The following HTR1F variants were observed in gnomAD, a reference collection of about 807,000 sequenced individuals.
The protein encoded by HTR1F is 5-hydroxytryptamine (serotonin) receptor 1F, G protein-coupled.
A neutral mutation model predicts 24.0 loss-of-function variants in HTR1F; 17 were observed. The ratio of observed to expected loss-of-function variants is 0.71; its 90% confidence interval spans 0.48 to 1.06. The LOEUF (loss-of-function observed/expected upper bound fraction) is 1.06. HTR1F is among the 50% of genes least tolerant of loss of function. The pLI, the probability that HTR1F is intolerant of heterozygous loss-of-function variation, is 0.00. For synonymous variants in HTR1F, 186 were observed against 156.8 expected, an observed-to-expected ratio of 1.19 and a Z score of -1.39; for missense variants, 391 against 427.8, an observed-to-expected ratio of 0.91 and a Z score of 0.76.
chr3:87,972,189 A>G (rs1303236054), intron 2 of HTR1F, among the ~76,000 whole-genome samples: 1 of 152,250 alleles, frequency 6.6e-6, no homozygotes, highest in African/African-American at 2.4e-5. Context: ...GACATATAAT[A>G]AATTATAAAT....
intron 2 of HTR1F, among the ~76,000 whole-genome samples, chr3:87,931,055 T>A (rs574469549): frequency 6.7e-5 from 10 of 150,240 alleles, no homozygotes; most frequent in Admixed American, 6.0e-4. Flanking sequence ...TTACTTTTTT[T>A]ATTGTTATTA....
At chr3:87,848,759 T>C (rs1272836550) in intron 2 of HTR1F, among the ~76,000 whole-genome samples, 1 of 151,550 alleles carries the variant, frequency 6.6e-6, no homozygotes, top group African/African-American at 2.4e-5. Context: ...TTCAGCAAAG[T>C]CTCAGGATAC....
intron 2 of HTR1F, among the ~76,000 whole-genome samples, chr3:87,975,054 G>T (rs2107501843): frequency 1.3e-5 from 2 of 152,030 alleles, no homozygotes; most frequent in East Asian, 3.9e-4. Flanking sequence ...TAAAACATAT[G>T]AATTTTATTA....
In HTR1F at chr3:87,869,416, G is replaced by C. The variant is rs11926445; in HGVS notation, c.-43+47292G>C. 4.1e-3 allele frequency among the ~76,000 whole-genome samples: 474 copies of C among 114,468 alleles called. 5 individuals are homozygous for C. Among genetic ancestry groups the C allele is most frequent in the Middle Eastern group, 0.013 (3 of 226 alleles). 75.1% of individuals were successfully genotyped at this position (114,468 alleles called of 152,430 possible). On this transcript the variant is annotated intron_variant, in intron 2 of 2. Transcript: ENST00000319595. ...AGATAGATAGATAGATAGATAGATA[G>C]ATAGATAGATAGATAGATACATAGA... is the stretch of plus-strand genomic sequence containing the variant.
chr3:87,899,587 C>T (rs367857157), intron 2 of HTR1F, among the ~76,000 whole-genome samples: 1 of 151,980 alleles, frequency 6.6e-6, no homozygotes, highest in African/African-American at 2.4e-5. Flanking sequence ...ATATCATGGC[C>T]GGGTGCGGTG....
Position 87,992,489 on chromosome 3 carries a change from G to A in HTR1F, c.*639G>A, listed in dbSNP as rs1218145531. 6.0e-6 allele frequency: 1 copy of A among 166,912 alleles called. No individual in the cohort carries two copies. The highest frequency in any genetic ancestry group is 1.5e-5 in the Non-Finnish European group (1 of 68,070). 10.3% of individuals were successfully genotyped at this position (166,912 alleles called of 1,614,324 possible). On this transcript the variant is annotated 3_prime_UTR_variant, in exon 3 of 3. Coordinates refer to ENST00000319595, the MANE Select transcript of HTR1F (RefSeq NM_001322209.2). ...CAAAATAATTCAATACTGAACTTGTGCATATTTAATGTATTATGTTTGATA... is the reference window on the plus strand; with the variant it reads ...CAAAATAATTCAATACTGAACTTGTACATATTTAATGTATTATGTTTGATA...
chr3:87,956,902 C>T (rs1399753431), intron 2 of HTR1F, among the ~76,000 whole-genome samples: 1 of 151,250 alleles, frequency 6.6e-6, no homozygotes, highest in Non-Finnish European at 1.5e-5. Context: ...ATAGATTCAT[C>T]ATTTCCAAAT....
chr3:87,918,152 T>G (rs1367422615), intron 2 of HTR1F, among the ~76,000 whole-genome samples: 3 of 152,014 alleles, frequency 2.0e-5, no homozygotes, highest in Admixed American at 2.0e-4. Flanking sequence ...GAAAAAAGCA[T>G]TTGACAAAAA....
chr3:87,797,088 T>C (rs1703917713), intron 1 of HTR1F, among the ~76,000 whole-genome samples: 1 of 152,198 alleles, frequency 6.6e-6, no homozygotes, highest in South Asian at 2.1e-4. Flanking sequence ...ACAAAAATCA[T>C]GTTTTAAATA....
intron 2 of HTR1F, among the ~76,000 whole-genome samples, chr3:87,834,710 T>G (rs1271141934): frequency 1.3e-5 from 2 of 152,186 alleles, no homozygotes; most frequent in African/African-American, 4.8e-5. Flanking sequence ...TCTATATCCC[T>G]GGTGCTAAGA....
chr3:87,968,752 A>G (rs1705220831), intron 2 of HTR1F, among the ~76,000 whole-genome samples: 1 of 152,238 alleles, frequency 6.6e-6, no homozygotes, highest in African/African-American at 2.4e-5. Flanking sequence ...AGAGCCAAAT[A>G]TTACTCTCCA....
chr3:87,956,905 T>A (rs534659185), intron 2 of HTR1F, among the ~76,000 whole-genome samples: 34 of 151,442 alleles, frequency 2.2e-4, no homozygotes, highest in Non-Finnish European at 4.3e-4. Flanking sequence ...GATTCATCAT[T>A]TCCAAATGGA....
At chr3:87,881,260 G>A (rs530183280) in intron 2 of HTR1F, among the ~76,000 whole-genome samples, 15 of 152,182 alleles carry the variant, frequency 9.9e-5, no homozygotes, top group African/African-American at 3.6e-4. Flanking sequence ...CTTAGCAAAC[G>A]GCACACCAGG....
chr3:87,960,132 T>C (rs1467445198), intron 2 of HTR1F, among the ~76,000 whole-genome samples: 2 of 150,650 alleles, frequency 1.3e-5, no homozygotes. Context: ...CCCAATCAAT[T>C]AAATTGGAAT....
chr3:87,810,745 T>G (rs1704146211), intron 1 of HTR1F, among the ~76,000 whole-genome samples: 1 of 152,200 alleles, frequency 6.6e-6, no homozygotes, highest in South Asian at 2.1e-4. Context: ...ATAAATTATT[T>G]CAATATGAAC....
rs775508985 is a variant in HTR1F, at chr3:87,991,149, A to G, written c.400A>G (p.Lys134Glu). The change falls in exon 3 of 3, where the codon AAA (lysine) becomes GAA (glutamate). Residue 134 changes from lysine to glutamate, a missense_variant. By Grantham distance (56) the Lys-to-Glu change is moderately conservative. Coordinates refer to ENST00000319595, the MANE Select transcript of HTR1F (RefSeq NM_001322209.2). ...AITDAVEYAR[K>E]RTPKHAGIMI... ...CACAGATGCTGTTGAGTATGCCAGG[A>G]AAAGGACTCCAAAGCATGCTGGCAT... 2.5e-6 allele frequency: 4 copies of G among 1,613,828 alleles called. No individual in the cohort carries two copies. Among genetic ancestry groups the G allele is most frequent in the East Asian group, 2.2e-5 (1 of 44,882 alleles).
intron 2 of HTR1F, among the ~76,000 whole-genome samples, chr3:87,945,557 G>C (rs1704678184): frequency 6.6e-6 from 1 of 152,196 alleles, no homozygotes; most frequent in South Asian, 2.1e-4. Flanking sequence ...CTAATGCTGG[G>C]AGTTCAGGAT....
At chr3:87,906,086 A>T (rs546547792) in intron 2 of HTR1F, among the ~76,000 whole-genome samples, 1 of 152,246 alleles carries the variant, frequency 6.6e-6, no homozygotes, top group African/African-American at 2.4e-5. Flanking sequence ...TTTACAGTAA[A>T]AAGAGAAAAA....
intron 2 of HTR1F, among the ~76,000 whole-genome samples, chr3:87,832,415 C>T (rs1393295489): frequency 6.7e-6 from 1 of 149,756 alleles, no homozygotes; most frequent in Non-Finnish European, 1.5e-5. Flanking sequence ...GCAACCTCTT[C>T]CTCCCGGGTT....
Sources: gnomAD v4.1 joint callset for allele counts (sites outside exome capture counted in the v4.1 genomes callset) on GRCh38, gnomAD v4.1.1 for gene constraint, MANE v1.5 for transcripts, NCBI Gene and HGNC (gene_info 2026-07-23, HGNC 2026-07-21) for gene names.